The following BNC2 variants were observed in gnomAD, a reference collection of about 807,000 sequenced individuals.
The protein encoded by BNC2 is zinc finger protein basonuclin-2.
Under a neutral mutation model 76.3 loss-of-function variants are expected in BNC2, and 20 were observed. That is an observed-to-expected ratio of 0.26 (90% confidence interval 0.18 to 0.38). The LOEUF is 0.38. Among genes scored for constraint, BNC2 ranks in the 10% least tolerant of loss-of-function variants. The probability of loss-of-function intolerance (pLI) is 1.00; values close to 1 mark genes in which losing one functional copy is unlikely to be tolerated. For missense variants in BNC2, 1,382 were observed against 1,399.8 expected (o/e 0.99, Z 0.20); for synonymous variants, 582 against 514.8 (o/e 1.13, Z -1.77).
chr9:16,545,323 T>C (rs532875984), intron 5 of BNC2, among the ~76,000 whole-genome samples: 17 of 152,334 alleles, frequency 1.1e-4, no homozygotes, highest in Admixed American at 5.2e-4. Context: ...ATCATCTTTT[T>C]CACTATCATA....
At chr9:16,784,226 C>T (rs576026696) in intron 1 of BNC2, among the ~76,000 whole-genome samples, 2 of 152,318 alleles carry the variant, frequency 1.3e-5, no homozygotes, top group South Asian at 4.1e-4. Flanking sequence ...GCAGGGAAGA[C>T]AGCTGTGCAA....
At chr9:16,690,204 C>T (rs1185016113) in intron 3 of BNC2, among the ~76,000 whole-genome samples, 1 of 152,090 alleles carries the variant, frequency 6.6e-6, no homozygotes, top group African/African-American at 2.4e-5. Flanking sequence ...TAAATCAAAA[C>T]AGAGTCAAAT....
chr9:16,493,679 A>C (rs983758262), intron 5 of BNC2, among the ~76,000 whole-genome samples: 4 of 152,226 alleles, frequency 2.6e-5, no homozygotes, highest in Admixed American at 2.0e-4. Context: ...GAGCTAGGCA[A>C]AAGGATAAAA....
chr9:16,482,976 G>A (rs1308213412), intron 5 of BNC2, among the ~76,000 whole-genome samples: 2 of 152,150 alleles, frequency 1.3e-5, no homozygotes, highest in Non-Finnish European at 2.9e-5. Context: ...AGGTACAAAT[G>A]GCAATTTGCT....
Position 16,455,467 on chromosome 9 carries a change from A to G in BNC2, c.670-17943T>C, listed in dbSNP as rs1308532526. Among the ~76,000 whole-genome samples the G allele has an allele frequency of 8.5e-5, 13 of 152,346 alleles. No individual in the cohort carries two copies. The East Asian group carries it at 2.1e-3, about 25-fold the overall frequency. On this transcript the variant is annotated intron_variant, in intron 5 of 6. Transcript: ENST00000380672. Reference sequence around the variant, plus strand: ...TAGGGGAAAGCACAGAAATAAAACAATGTTAATGAATGGATATGAAATGTA... The same window carrying G: ...TAGGGGAAAGCACAGAAATAAAACAGTGTTAATGAATGGATATGAAATGTA...
chr9:16,494,661 G>A (rs1822348793), intron 5 of BNC2, among the ~76,000 whole-genome samples: 1 of 152,160 alleles, frequency 6.6e-6, no homozygotes. Flanking sequence ...AAGTGAAGGA[G>A]GGAGAGAGGA....
chr9:16,663,128 C>CTT (rs1220327938), intron 3 of BNC2, among the ~76,000 whole-genome samples: 2 of 51,650 alleles, frequency 3.9e-5, no homozygotes, highest in African/African-American at 6.9e-5. Flanking sequence ...ACTCTGTTTA[C>CTT]TCTTTTTTTT....
Position 16,720,191 on chromosome 9 carries a change from CCTCT to C in BNC2, c.330+7602_330+7605del, listed in dbSNP as rs140047405. ...CAGAGGACCACACCTGAGGGTGGCA[CCTCT>C]CTCTCATGCCTCTGCCAGAATGATG... is the stretch of plus-strand genomic sequence containing the variant. On this transcript the variant is annotated intron_variant, in intron 3 of 6. Coordinates refer to ENST00000380672, the MANE Select transcript of BNC2 (RefSeq NM_017637.6). Among the ~76,000 whole-genome samples, 520 of 152,262 alleles carry C rather than the reference CCTCT, an allele frequency of 3.4e-3. 5 individuals carry two copies. Among genetic ancestry groups the C allele is most frequent in the Non-Finnish European group, 4.8e-3 (324 of 68,020 alleles).
At chr9:16,456,530 CAA>C (rs35557788) in intron 5 of BNC2, among the ~76,000 whole-genome samples, 41,754 of 106,886 alleles carry the variant, frequency 0.39, 6,699 homozygotes, top group East Asian at 0.67. Context: ...GACTCCGTCT[CAA>C]AAAAAAAAAA....
intron 3 of BNC2, among the ~76,000 whole-genome samples, chr9:16,621,523 T>C (rs1820867819): frequency 6.6e-6 from 1 of 152,236 alleles, no homozygotes; most frequent in Admixed American, 6.5e-5. Flanking sequence ...AATGTGCTTC[T>C]ATTATAACGA....
chr9:16,529,083 T>C (rs1253164848), intron 5 of BNC2, among the ~76,000 whole-genome samples: 1 of 152,226 alleles, frequency 6.6e-6, no homozygotes, highest in Non-Finnish European at 1.5e-5. Context: ...TCTTCTGCTC[T>C]GTATGTAATC....
intron 1 of BNC2, among the ~76,000 whole-genome samples, chr9:16,821,965 C>T (rs532813755): frequency 7.2e-5 from 11 of 151,818 alleles, no homozygotes; most frequent in Non-Finnish European, 1.3e-4. Context: ...CGGTGGCGGG[C>T]GCCTGGAGTC....
At chr9:16,736,726 G>A (rs542814143) in intron 2 of BNC2, among the ~76,000 whole-genome samples, 9 of 150,902 alleles carry the variant, frequency 6.0e-5, no homozygotes, top group South Asian at 2.1e-4. Flanking sequence ...CGCCTCTCTC[G>A]GCCTCCCAAA....
At chr9:16,686,023 CCTTT>C (rs1320926746) in intron 3 of BNC2, among the ~76,000 whole-genome samples, 5 of 151,928 alleles carry the variant, frequency 3.3e-5, no homozygotes, top group African/African-American at 1.2e-4. Flanking sequence ...TTTCCTCTTT[CCTTT>C]AATTTTCTTA....
At chr9:16,797,603 G>A (rs1817689473) in intron 1 of BNC2, among the ~76,000 whole-genome samples, 1 of 152,140 alleles carries the variant, frequency 6.6e-6, no homozygotes, top group African/African-American at 2.4e-5. Context: ...CATCTAGTAA[G>A]AGTGTCACAC....
chr9:16,613,012 T>C (rs1454215157), intron 3 of BNC2, among the ~76,000 whole-genome samples: 1 of 152,124 alleles, frequency 6.6e-6, no homozygotes, highest in Non-Finnish European at 1.5e-5. Context: ...GTACTGCCAA[T>C]GGTACGGAGG....
intron 1 of BNC2, among the ~76,000 whole-genome samples, chr9:16,793,955 G>T (rs923983238): frequency 6.7e-6 from 1 of 149,706 alleles, no homozygotes; most frequent in African/African-American, 2.5e-5. Flanking sequence ...TCCCATCTCG[G>T]CCTCCCAAAG....
chr9:16,583,040 G>C lies in BNC2; in HGVS notation c.376C>G (p.Pro126Ala). The C allele has an allele frequency of 6.2e-7, 1 of 1,613,900 alleles. No homozygotes were observed. The highest frequency in any genetic ancestry group is 8.5e-7 in the Non-Finnish European group (1 of 1,179,956). ...CAAGTCCTCAGGTTAATCTTCCCTG[G>C]CTGAAAACATTCACATGTGCAGTTT... ...LVNCTCECFQ[P>A]GKINLRTCDQ... The change falls in exon 4 of 7, where the codon CCA becomes GCA. Residue 126 changes from proline to alanine, a missense_variant. Coordinates refer to ENST00000380672, the MANE Select transcript of BNC2 (RefSeq NM_017637.6).
At chr9:16,829,491 C>G (rs1340432703) in intron 1 of BNC2, among the ~76,000 whole-genome samples, 2 of 151,932 alleles carry the variant, frequency 1.3e-5, no homozygotes, top group African/African-American at 4.8e-5. Flanking sequence ...GGGTTGGTTC[C>G]CTAACCCAAA....
Sources: gnomAD v4.1 joint callset for allele counts (sites outside exome capture counted in the v4.1 genomes callset) on GRCh38, gnomAD v4.1.1 for gene constraint, MANE v1.5 for transcripts, NCBI Gene and HGNC (gene_info 2026-07-23, HGNC 2026-07-21) for gene names.